USH2A: variants seen among roughly 807,000 people sequenced by gnomAD.
USH2A encodes the protein usherin.
USH2A carries 443 observed loss-of-function variants against 538.9 expected under a neutral mutation model. The observed-to-expected ratio is 0.82, with a 90% CI of 0.76 to 0.89. USH2A has a LOEUF of 0.89. USH2A is among the 40% of genes least tolerant of loss of function. USH2A has a pLI of 0.00. For missense variants in USH2A, 6,633 were observed against 6,324.8 expected (o/e 1.05, Z -1.65); for synonymous variants, 2,413 against 2,273.5 (o/e 1.06, Z -1.75).
At chr1:215,691,972 G>C (rs1474009906) in intron 61 of USH2A, among the ~76,000 whole-genome samples, 1 of 152,172 alleles carries the variant, frequency 6.6e-6, no homozygotes, top group Non-Finnish European at 1.5e-5. Flanking sequence ...GGCTGACTTG[G>C]ACAGCAGCCG....
chr1:215,921,231 G>A (rs147916780), intron 38 of USH2A, among the ~76,000 whole-genome samples: 56 of 152,098 alleles, frequency 3.7e-4, no homozygotes, highest in African/African-American at 1.2e-3. Flanking sequence ...GACAGAAGTT[G>A]GGCAAAATAC....
intron 3 of USH2A, among the ~76,000 whole-genome samples, chr1:216,409,235 A>G (rs1229074671): frequency 6.6e-6 from 1 of 152,174 alleles, no homozygotes. Flanking sequence ...ACACAAACAG[A>G]TATCATTGGT....
intron 61 of USH2A, among the ~76,000 whole-genome samples, chr1:215,686,178 A>T (rs1162285426): frequency 6.6e-6 from 1 of 152,162 alleles, no homozygotes; most frequent in Non-Finnish European, 1.5e-5. Context: ...AAGATGGGTA[A>T]CACAGACTCT....
intron 38 of USH2A, among the ~76,000 whole-genome samples, chr1:215,908,107 A>C (rs1463215081): frequency 6.7e-6 from 1 of 149,922 alleles, no homozygotes; most frequent in African/African-American, 2.5e-5. Context: ...CAATGTTCTT[A>C]TTTCACAGAT....
chr1:216,269,430 T>C (rs2102578620), intron 11 of USH2A, among the ~76,000 whole-genome samples: 1 of 152,222 alleles, frequency 6.6e-6, no homozygotes, highest in East Asian at 1.9e-4. Flanking sequence ...TATAAATTTT[T>C]CCTGTATAAA....
intron 4 of USH2A, among the ~76,000 whole-genome samples, chr1:216,359,050 T>C (rs2038441609): frequency 6.6e-6 from 1 of 152,182 alleles, no homozygotes; most frequent in African/African-American, 2.4e-5. Flanking sequence ...AGATTTAATG[T>C]GTTATTTAAA....
At chr1:215,864,819 C>T (rs181112494) in intron 44 of USH2A, among the ~76,000 whole-genome samples, 8 of 152,006 alleles carry the variant, frequency 5.3e-5, no homozygotes, top group African/African-American at 1.7e-4. Context: ...TTAAAACTGG[C>T]CCTTCAAAAG....
chr1:216,078,428 A>G lies in USH2A; in HGVS notation c.5299-66T>C. The G allele has an allele frequency of 2.0e-6, 3 of 1,479,344 alleles. 1 individual carries two copies. The highest frequency in any genetic ancestry group is 2.8e-6 in the Non-Finnish European group (3 of 1,068,806). The allele number at this position is 1,479,344 out of a possible 1,614,324, so 91.6% of individuals were successfully genotyped here. A position where few individuals can be genotyped will look rare whatever the true frequency, so the allele number is the denominator to read the frequency against. Reference sequence around the variant, plus strand: ...GCTGCAGAAGGGCAGTTTGGGAGAGAGCAGAAAGTCAATTTCTTGAAGAAA... The same window carrying G: ...GCTGCAGAAGGGCAGTTTGGGAGAGGGCAGAAAGTCAATTTCTTGAAGAAA... On this transcript the variant is annotated intron_variant, in intron 26 of 71. Transcript: ENST00000307340.
At chr1:216,106,503 T>C (rs1183635734) in intron 21 of USH2A, among the ~76,000 whole-genome samples, 1 of 151,220 alleles carries the variant, frequency 6.6e-6, no homozygotes, top group African/African-American at 2.4e-5. Flanking sequence ...GTAAATCATA[T>C]CGATAGATTT....
At chr1:216,101,984 C>T (rs371803521) in intron 21 of USH2A, among the ~76,000 whole-genome samples, 9 of 151,956 alleles carry the variant, frequency 5.9e-5, no homozygotes, top group East Asian at 5.8e-4. Flanking sequence ...CATACACGTT[C>T]GGGGCCATGG....
chr1:216,120,219 CAAAAAAAAAAAA>C (rs10525093), intron 21 of USH2A, among the ~76,000 whole-genome samples: 12 of 100,028 alleles, frequency 1.2e-4, no homozygotes, highest in African/African-American at 1.5e-4. Flanking sequence ...TACTAAATAG[CAAAAAAAAAAAA>C]AAAAAAAAAA....
chr1:216,184,962 A>T (rs2034569397), intron 20 of USH2A, among the ~76,000 whole-genome samples: 1 of 151,988 alleles, frequency 6.6e-6, no homozygotes, highest in East Asian at 1.9e-4. Flanking sequence ...GGGAAATATC[A>T]CATTGTCCCT....
intron 20 of USH2A, among the ~76,000 whole-genome samples, chr1:216,187,860 G>A (rs1386837580): frequency 6.6e-6 from 1 of 151,882 alleles, no homozygotes; most frequent in South Asian, 2.1e-4. Context: ...AAGGCACAGA[G>A]GTTAGATAAT....
intron 11 of USH2A, among the ~76,000 whole-genome samples, chr1:216,280,952 A>G (rs943133915): frequency 2.0e-5 from 3 of 152,152 alleles, no homozygotes; most frequent in Non-Finnish European, 4.4e-5. Flanking sequence ...AATTTTTTAA[A>G]TGTCCTTGAA....
chr1:215,643,877 GA>G (rs970578232), intron 67 of USH2A, among the ~76,000 whole-genome samples: 49 of 149,442 alleles, frequency 3.3e-4, no homozygotes, highest in South Asian at 6.4e-4. Flanking sequence ...CCAAGCATAA[GA>G]AAAAAAAAAT....
chr1:215,828,161 G>A (rs1663207213), intron 47 of USH2A, among the ~76,000 whole-genome samples: 1 of 152,030 alleles, frequency 6.6e-6, no homozygotes, highest in African/African-American at 2.4e-5. Flanking sequence ...AAAAATATAG[G>A]GGGATGCCGG....
intron 32 of USH2A, among the ~76,000 whole-genome samples, chr1:216,030,069 A>C (rs1669065974): frequency 6.8e-6 from 1 of 146,750 alleles, no homozygotes; most frequent in South Asian, 2.1e-4. Context: ...TCACAGATAT[A>C]TAATATATGA....
chr1:215,890,789 C>G (rs889277918), intron 40 of USH2A, among the ~76,000 whole-genome samples: 2 of 152,036 alleles, frequency 1.3e-5, no homozygotes, highest in Non-Finnish European at 2.9e-5. Context: ...AAAGCAAGTA[C>G]GAGTCTTGTA....
chr1:216,075,288 C>T (rs998257169), intron 27 of USH2A, among the ~76,000 whole-genome samples: 1 of 152,112 alleles, frequency 6.6e-6, no homozygotes, highest in Non-Finnish European at 1.5e-5. Context: ...CAGTGGCAAC[C>T]AAAGAGTTCA....
Sources: allele counts gnomAD v4.1 joint callset (sites outside exome capture counted in the v4.1 genomes callset), GRCh38; gene constraint gnomAD v4.1.1; transcripts MANE v1.5; gene names NCBI Gene and HGNC (gene_info 2026-07-23, HGNC 2026-07-21).